The following SLFN13 variants were observed in gnomAD, a reference collection of about 807,000 sequenced individuals.
SLFN13 encodes the protein schlafen family member 13.
A neutral mutation model predicts 50.6 loss-of-function variants in SLFN13; 43 were observed. The observed-to-expected ratio is 0.85, with a 90% CI of 0.67 to 1.09. SLFN13 has a LOEUF of 1.09. Among genes scored for constraint, SLFN13 ranks in the 50% least tolerant of loss-of-function variants. SLFN13 has a pLI of 0.00. For synonymous variants in SLFN13, 339 were observed against 386.5 expected (o/e 0.88, Z 1.44); for missense variants, 881 against 1,071.1 (o/e 0.82, Z 2.48).
intron 4 of SLFN13, 56 bp from the exon 5 acceptor site, chr17:35,442,342 A>G: frequency 6.7e-7 from 1 of 1,491,908 alleles, no homozygotes; most frequent in South Asian, 1.4e-5. Flanking sequence ...ATTTTGTATG[A>G]ATCACATGTT....
Position 35,445,162 on chromosome 17 carries a change from A to G in SLFN13, c.519T>C (p.Ser173=). ...TCTGGTATACAGCTTTCATAATTTT[A>G]CTAGGTGGAGACCCTTCATTAATCA... ...YNLINEGSPP[S]KIMKAVYQNI... The change falls in exon 3 of 6, where the codon AGT becomes AGC. Residue 173 remains serine, a synonymous_variant. Transcript: ENST00000285013. The G allele has an allele frequency of 6.2e-7, 1 of 1,613,186 alleles. No homozygotes were observed. Among genetic ancestry groups the G allele is most frequent in the South Asian group, 1.1e-5 (1 of 91,080 alleles).
At position 35,443,867 on chromosome 17, in the gene SLFN13, T is replaced by A. The variant is rs954088973; in HGVS notation, c.1120A>T (p.Ser374Cys). The change falls in exon 4 of 6, where the codon AGT (serine) becomes TGT (cysteine). Residue 374 changes from serine (S) to cysteine (C), a missense_variant. Transcript: ENST00000285013. The part of the protein sequence containing the change: ...AFESQLSLSD[S>C]PSLCRPVYSK... ...TACACTGGTCTGCAAAGTGAAGGAC[T>A]GTCAGATAGACTCAACTGAGACTCA... 1 of 1,613,974 alleles carries A rather than the reference T, an allele frequency of 6.2e-7. No individual in the cohort carries two copies. The highest frequency in any genetic ancestry group is 2.2e-5 in the East Asian group (1 of 44,888).
rs778371203 is a variant in SLFN13, at chr17:35,441,624, G to T, written c.1861C>A (p.His621Asn). ...TAGAGAATTCTGTGTGCCTCACAGT[G>T]AAACACATTCCTGATCTTCTCCATG... Reference protein sequence around the residue: ...KIMEKIRNVFHCEAHRILYVC... With the variant: ...KIMEKIRNVFNCEAHRILYVC... The change falls in exon 5 of 6, where the codon CAC becomes AAC. Residue 621 changes from histidine to asparagine, a missense_variant. Physicochemically the swap from His to Asn is moderately conservative, Grantham distance 68. This residue lies in a region of SLFN13 where 25 missense variants were observed against 64.4 expected (regional missense o/e 0.39). Transcript: ENST00000285013. 2.9e-5 allele frequency: 47 copies of T among 1,599,962 alleles called. No homozygotes were observed. Among genetic ancestry groups the T allele is most frequent in the Non-Finnish European group, 3.8e-5 (45 of 1,174,026 alleles).
chr17:35,440,695 A>G lies in SLFN13; in HGVS notation c.2594T>C (p.Val865Ala). Residue 865 changes from valine (V) to alanine (A), a missense_variant, in exon 6 of 6, where the codon GTG (valine) becomes GCG (alanine). Around this residue, in one of 5 missense-constraint regions of SLFN13, gnomAD observed 322 missense variants for 327.4 expected, o/e 0.98. Coordinates refer to ENST00000285013, the MANE Select transcript of SLFN13 (RefSeq NM_144682.6). ...RRFSGLERSI[V>A]FGIHPRTADP... is the part of the protein sequence containing the mutation. ...AGCTGTCCTTGGATGGATCCCAAAC[A>G]CTATGCTCCTTTCCAGGCCTGAGAA... The G allele has an allele frequency of 1.2e-6, 2 of 1,614,158 alleles. No homozygotes were observed. The highest frequency in any genetic ancestry group is 1.7e-6 in the Non-Finnish European group (2 of 1,180,028).
chr17:35,440,784 C>G lies in SLFN13; in HGVS notation c.2505G>C (p.Val835=), dbSNP rs1912820851. ...KLLKAMRKKM[V]VQLSDACDML... is the part of the protein sequence containing the mutation. ...TATCACATGCATCACTGAGCTGCAC[C>G]ACCATTTTCTTCCTCATTGCTTTCA... is the stretch of plus-strand genomic sequence containing the variant. Residue 835 remains valine, a synonymous_variant, in exon 6 of 6, where the codon GTG becomes GTC. Transcript: ENST00000285013. The G allele has an allele frequency of 6.2e-7, 1 of 1,613,942 alleles. No homozygotes were observed. Among genetic ancestry groups the G allele is most frequent in the African/African-American group, 1.3e-5 (1 of 74,900 alleles).
rs779315105 is a variant in SLFN13 at position 35,443,896 on chromosome 17, G to A, written c.1091C>T (p.Ala364Val). ...DPEFPPDFAE[A>V]FESQLSLSDS... The stretch of plus-strand genomic sequence containing the variant: ...AGATAGACTCAACTGAGACTCAAAG[G>A]CCTCAGCAAAGTCTGGAGGAAACTC... Residue 364 changes from alanine (A) to valine (V), a missense_variant, in exon 4 of 6, where the codon GCC becomes GTC. Ala to Val is a moderately conservative substitution (Grantham distance 64). Transcript: ENST00000285013. 3 of 1,613,466 alleles carry A rather than the reference G, an allele frequency of 1.9e-6. No individual in the cohort carries two copies. The South Asian group carries it at 3.3e-5, about 18-fold the overall frequency.
intron 2 of SLFN13, among the ~76,000 whole-genome samples, chr17:35,446,370 A>G (rs1913213619): frequency 6.6e-6 from 1 of 152,188 alleles, no homozygotes; most frequent in Non-Finnish European, 1.5e-5. Context: ...ACTTTGAAAA[A>G]TGCTCTTCAG....
intron 4 of SLFN13, 38 bp from the exon 5 acceptor site, chr17:35,442,324 T>A (rs1429541929): frequency 6.6e-7 from 1 of 1,518,668 alleles, no homozygotes; most frequent in African/African-American, 1.4e-5. Context: ...TTTCACTGTG[T>A]TTATGTGATT....
chr17:35,442,260 G>C lies in SLFN13; in HGVS notation c.1225C>G (p.Pro409Ala). The change falls in exon 5 of 6, where the codon CCA becomes GCA. Residue 409 changes from proline (P) to alanine (A), a missense_variant. Coordinates refer to ENST00000285013, the MANE Select transcript of SLFN13 (RefSeq NM_144682.6). Reference sequence around the variant, plus strand: ...GACAGCTCCTTCCAGAGGGACTCTGGAGTACATTCCAAATGTCCTGGTGGA... The same window carrying C: ...GACAGCTCCTTCCAGAGGGACTCTGCAGTACATTCCAAATGTCCTGGTGGA... ...PVPPGHLECT[P>A]ESLWKELSLQ... 6.2e-7 allele frequency: 1 copy of C among 1,601,890 alleles called. No individual in the cohort carries two copies. The highest frequency in any genetic ancestry group is 1.7e-5 in the Admixed American group (1 of 58,676).
chr17:35,448,383 G>A (rs1392758875), intron 1 of SLFN13: 1 of 152,246 alleles, frequency 6.6e-6, no homozygotes, highest in Non-Finnish European at 1.5e-5. Flanking sequence ...GCCGGAACAG[G>A]AACACAGATA....
At position 35,436,894 on chromosome 17, in the gene SLFN13, AC is replaced by A. The variant is rs1912659115; in HGVS notation, c.*3700del. ...GAACTTTTTCTCTTTTGAGAAAAAA[AC>A]ATAAAGACACTTGAGGCACAACTGA... On this transcript the variant is annotated 3_prime_UTR_variant, in exon 6 of 6. Transcript: ENST00000285013. 6.6e-6 allele frequency: 1 copy of A among 152,162 alleles called. No homozygotes were observed. The highest frequency in any genetic ancestry group is 2.4e-5 in the African/African-American group (1 of 41,460). The allele number at this position is 152,162 out of a possible 1,614,324, so 9.4% of individuals were successfully genotyped here. A position where few individuals can be genotyped will look rare whatever the true frequency, so the allele number is the denominator to read the frequency against.
intron 2 of SLFN13, chr17:35,446,695 A>C (rs1215656638): frequency 6.6e-6 from 1 of 152,160 alleles, no homozygotes; most frequent in Non-Finnish European, 1.5e-5. Flanking sequence ...GAGGTAAGGA[A>C]GTAGCATCAT....
In SLFN13 at chr17:35,443,711, A is replaced by G. The variant is rs1241804017; in HGVS notation, c.1198+78T>C. 2.0e-5 allele frequency: 30 copies of G among 1,490,594 alleles called. No individual in the cohort carries two copies. In the East Asian group the frequency reaches 5.9e-4, roughly 30 times the overall value. 92.3% of individuals were successfully genotyped at this position (1,490,594 alleles called of 1,614,324 possible). On this transcript the variant is annotated intron_variant, in intron 4 of 5. Transcript: ENST00000285013. ...TGTACACCTGGATCTGCAGGACACA[A>G]TCTTTCATGGATTTGTTTTCCACGA...
In SLFN13 at chr17:35,445,605, G is replaced by C. The variant is rs1913174524; in HGVS notation, c.76C>G (p.Leu26Val). 1 of 1,613,922 alleles carries C rather than the reference G, an allele frequency of 6.2e-7. No individual in the cohort carries two copies. The stretch of plus-strand genomic sequence containing the variant: ...AGCTTTTTTCTGTTTTCTTCTCCCA[G>C]AGTCACTTCTCCGACATCGATGACC... ...DLVIDVGEVTLGEENRKKLQK... is the reference protein window; with the variant it reads ...DLVIDVGEVTVGEENRKKLQK... The change falls in exon 3 of 6, where the codon CTG (leucine) becomes GTG (valine). Residue 26 changes from leucine to valine, a missense_variant. Physicochemically the swap from Leu to Val is conservative, Grantham distance 32 (BLOSUM62 1). Around this residue, in one of 5 missense-constraint regions of SLFN13, gnomAD observed 497 missense variants for 518.3 expected, o/e 0.96. Coordinates refer to ENST00000285013, the MANE Select transcript of SLFN13 (RefSeq NM_144682.6).
At position 35,441,324 on chromosome 17, in the gene SLFN13, T is replaced by C; in HGVS notation, c.1965A>G (p.Leu655=). 1 of 1,611,846 alleles carries C rather than the reference T, an allele frequency of 6.2e-7. No homozygotes were observed. The highest frequency in any genetic ancestry group is 8.5e-7 in the Non-Finnish European group (1 of 1,179,394). ...GTTGAATGTGTTCAAATTTTTCTCTTAGGAAAGTTTCCCGGGTCTCTGCTC... is the reference window on the plus strand; with the variant it reads ...GTTGAATGTGTTCAAATTTTTCTCTCAGGAAAGTTTCCCGGGTCTCTGCTC... ...ICRAETRETF[L]REKFEHIQHI... The change falls in exon 6 of 6, where the codon CTA becomes CTG. Residue 655 remains leucine, a synonymous_variant. Coordinates refer to ENST00000285013, the MANE Select transcript of SLFN13 (RefSeq NM_144682.6).
Position 35,441,104 on chromosome 17 carries a change from T to A in SLFN13, c.2185A>T (p.Arg729Ter), listed in dbSNP as rs755305257. ...SAQYPREELT[R>*]VVRNADEIAE... ...ATTTCATCTGCATTGCGAACTACTC[T>A]GGTGAGCTCTTCTCTTGGATACTGT... Residue 729 changes from arginine to a stop codon, truncating the protein, a stop_gained, in exon 6 of 6, where the codon AGA becomes TGA. Transcript: ENST00000285013. LOFTEE classifies it low-confidence loss of function (END_TRUNC). 23 of 1,614,100 alleles carry A rather than the reference T, an allele frequency of 1.4e-5. No individual in the cohort carries two copies. Among genetic ancestry groups the A allele is most frequent in the Non-Finnish European group, 2.5e-6 (3 of 1,180,010 alleles).
Position 35,439,938 on chromosome 17 carries a change from C to T in SLFN13, c.*657G>A, listed in dbSNP as rs1912770303. On this transcript the variant is annotated 3_prime_UTR_variant, in exon 6 of 6. Coordinates refer to ENST00000285013, the MANE Select transcript of SLFN13 (RefSeq NM_144682.6). ...TCTGTAAAGGTACCATTAATGTTCA[C>T]TATTACAATTAAGCCTTGGTCTGGG... 1 of 152,192 alleles carries T rather than the reference C, an allele frequency of 6.6e-6. No individual in the cohort carries two copies. The highest frequency in any genetic ancestry group is 1.5e-5 in the Non-Finnish European group (1 of 68,064). The allele number at this position is 152,192 out of a possible 1,614,324, so 9.4% of individuals were successfully genotyped here. A position where few individuals can be genotyped will look rare whatever the true frequency, so the allele number is the denominator to read the frequency against.
chr17:35,440,568 G>A lies in SLFN13; in HGVS notation c.*27C>T, dbSNP rs752864330. The A allele has an allele frequency of 3.1e-6, 5 of 1,610,488 alleles. No homozygotes were observed. In the East Asian group the frequency reaches 1.1e-4, roughly 36 times the overall value. On this transcript the variant is annotated 3_prime_UTR_variant, in exon 6 of 6. Coordinates refer to ENST00000285013, the MANE Select transcript of SLFN13 (RefSeq NM_144682.6). ...CCCATAGACATTTACACAGTATTTT[G>A]GTTTGGAGTTCTTCCTAATAGTCAC...
At chr17:35,443,998 T>G in intron 3 of SLFN13, 78 bp from the exon 4 acceptor site, 1 of 1,429,002 alleles carries the variant, frequency 7.0e-7, no homozygotes, top group African/African-American at 1.4e-5. Context: ...AGGCTGTGTC[T>G]AAATTTCATC....
Sources: allele counts gnomAD v4.1 joint callset (sites outside exome capture counted in the v4.1 genomes callset), GRCh38; gene constraint gnomAD v4.1.1; regional missense constraint gnomAD v4.1.1; transcripts MANE v1.5; gene names NCBI Gene and HGNC (gene_info 2026-07-23, HGNC 2026-07-21).